Variants in GRIA3 observed in about 807,000 individuals in gnomAD.
The protein encoded by GRIA3 is glutamate ionotropic receptor AMPA type subunit 3.
GRIA3 carries 3 observed loss-of-function variants against 63.0 expected under a neutral mutation model. That is an observed-to-expected ratio of 0.05 (90% CI 0.02 to 0.12). The LOEUF (loss-of-function observed/expected upper bound fraction) is 0.12. GRIA3 is among the 10% of genes least tolerant of loss of function. The pLI, the probability that GRIA3 is intolerant of heterozygous loss-of-function variation, is 1.00. For missense variants in GRIA3, 347 were observed against 700.9 expected (o/e 0.50, Z 5.70); for synonymous variants, 274 against 257.9 (o/e 1.06, Z -0.60).
chrX:123,185,437 T>C (rs1273568662), intron 1 of GRIA3, among the ~76,000 whole-genome samples: 1 of 104,129 alleles, frequency 9.6e-6, no homozygotes, highest in Non-Finnish European at 2.0e-5. Context: ...GGGAACAATA[T>C]TGTTTTTCTT....
intron 5 of GRIA3, among the ~76,000 whole-genome samples, chrX:123,388,380 G>C (rs1033816973): frequency 9.0e-6 from 1 of 110,901 alleles, no homozygotes; most frequent in Non-Finnish European, 1.9e-5. Context: ...CGAGTAGATG[G>C]GATTATAGGT....
chrX:123,219,195 T>G (rs1928234299), intron 2 of GRIA3, among the ~76,000 whole-genome samples: 1 of 112,355 alleles, frequency 8.9e-6, no homozygotes, highest in African/African-American at 3.2e-5. Flanking sequence ...TTGTCAAGAA[T>G]CCACTCACAG....
At chrX:123,295,402 A>G (rs1412558657) in intron 3 of GRIA3, among the ~76,000 whole-genome samples, 2 of 111,791 alleles carry the variant, frequency 1.8e-5, no homozygotes, top group East Asian at 2.8e-4. Context: ...AGCATTCTGC[A>G]TATTTTATAA....
chrX:123,255,881 G>T (rs2147284091), intron 3 of GRIA3, among the ~76,000 whole-genome samples: 1 of 110,564 alleles, frequency 9.0e-6, no homozygotes, highest in East Asian at 2.8e-4. Context: ...ACTGTACTAG[G>T]ATCCTGTTCC....
rs184497218 is a variant in GRIA3, at chrX:123,197,318, A to T, written c.268+11328A>T. Among the ~76,000 whole-genome samples the T allele has an allele frequency of 2.5e-3, 282 of 112,015 alleles. 2 individuals carry two copies. Among genetic ancestry groups the T allele is most frequent in the Non-Finnish European group, 8.3e-4 (44 of 53,199 alleles). On this transcript the variant is annotated intron_variant, in intron 2 of 15. Coordinates refer to ENST00000620443, the MANE Select transcript of GRIA3 (RefSeq NM_007325.5). ...AGGCCGGAGATCACCTGAGGTCAGGAGTTCGAGATCAGCCTGGCCAACATG... is the reference window on the plus strand; with the variant it reads ...AGGCCGGAGATCACCTGAGGTCAGGTGTTCGAGATCAGCCTGGCCAACATG...
At chrX:123,263,585 G>A (rs1447280756) in intron 3 of GRIA3, among the ~76,000 whole-genome samples, 4 of 111,931 alleles carry the variant, frequency 3.6e-5, no homozygotes, top group Non-Finnish European at 7.5e-5. Context: ...GGCAGTGCTT[G>A]GCTAGGCGCT....
At chrX:123,332,094 A>C (rs1251695636) in intron 4 of GRIA3, among the ~76,000 whole-genome samples, 2 of 111,607 alleles carry the variant, frequency 1.8e-5, no homozygotes, top group Non-Finnish European at 3.8e-5. Context: ...AGGTCATATC[A>C]TGAGAGCAAA....
At chrX:123,360,308 G>T (rs973714184) in intron 5 of GRIA3, among the ~76,000 whole-genome samples, 1 of 110,184 alleles carries the variant, frequency 9.1e-6, no homozygotes, top group Non-Finnish European at 1.9e-5. Context: ...CATTTGCAAA[G>T]ACACAAATGT....
At chrX:123,242,510 T>C (rs1569405732) in intron 2 of GRIA3, among the ~76,000 whole-genome samples, 2 of 111,746 alleles carry the variant, frequency 1.8e-5, no homozygotes, top group Non-Finnish European at 3.8e-5. Flanking sequence ...CCATGTAAAA[T>C]GAGTTGCAAG....
At chrX:123,296,001 G>T (rs1253495379) in intron 3 of GRIA3, among the ~76,000 whole-genome samples, 2 of 111,476 alleles carry the variant, frequency 1.8e-5, no homozygotes, top group Non-Finnish European at 3.8e-5. Flanking sequence ...AAGGGAGAAT[G>T]ACCTTTGTTT....
At chrX:123,357,988 C>A (rs926699195) in intron 5 of GRIA3, among the ~76,000 whole-genome samples, 2 of 110,317 alleles carry the variant, frequency 1.8e-5, no homozygotes, top group African/African-American at 6.6e-5. Flanking sequence ...TAATAATGAG[C>A]CAAATTATCC....
chrX:123,213,177 A>C (rs1409116288), intron 2 of GRIA3, among the ~76,000 whole-genome samples: 1 of 112,311 alleles, frequency 8.9e-6, no homozygotes, highest in Non-Finnish European at 1.9e-5. Flanking sequence ...TGGACAGTCC[A>C]TGGAAAAATT....
chrX:123,405,837 T>C (rs902976537), intron 10 of GRIA3, among the ~76,000 whole-genome samples: 2 of 112,294 alleles, frequency 1.8e-5, no homozygotes, highest in Non-Finnish European at 3.8e-5. Flanking sequence ...TGTATTGTAA[T>C]GATCCATTTA....
chrX:123,462,091 TTTTC>T (rs1486194283), intron 12 of GRIA3, among the ~76,000 whole-genome samples: 1 of 111,494 alleles, frequency 9.0e-6, no homozygotes, highest in Non-Finnish European at 1.9e-5. Flanking sequence ...GAATCCAGCC[TTTTC>T]TTTCTACCTC....
intron 9 of GRIA3, 75 bp from the exon 10 acceptor site, chrX:123,404,633 G>A (rs2045462403): frequency 2.6e-6 from 2 of 768,325 alleles, no homozygotes; most frequent in Admixed American, 2.3e-5. Flanking sequence ...TCACAGAGGG[G>A]AAAAATTATT....
intron 12 of GRIA3, among the ~76,000 whole-genome samples, chrX:123,436,072 T>C (rs1349735404): frequency 9.0e-6 from 1 of 111,211 alleles, no homozygotes; most frequent in Admixed American, 9.6e-5. Flanking sequence ...ATAGCTAATG[T>C]ATGCAGGGTA....
chrX:123,311,422 G>T (rs1209779071), intron 3 of GRIA3, among the ~76,000 whole-genome samples: 1 of 111,961 alleles, frequency 8.9e-6, no homozygotes, highest in African/African-American at 3.2e-5. Context: ...TAATTAGAGC[G>T]TAAAGAATGT....
chrX:123,452,029 G>A (rs2045735126), intron 12 of GRIA3, among the ~76,000 whole-genome samples: 1 of 111,944 alleles, frequency 8.9e-6, no homozygotes, highest in Admixed American at 9.5e-5. Context: ...TAGCAATCAT[G>A]TATATAATGC....
At chrX:123,305,625 AT>A (rs2044750415) in intron 3 of GRIA3, among the ~76,000 whole-genome samples, 1 of 111,945 alleles carries the variant, frequency 8.9e-6, no homozygotes, top group Non-Finnish European at 1.9e-5. Flanking sequence ...CTACATAGGC[AT>A]TTTGTATATG....
Sources: allele counts gnomAD v4.1 joint callset (sites outside exome capture counted in the v4.1 genomes callset), GRCh38; gene constraint gnomAD v4.1.1; transcripts MANE v1.5; gene names NCBI Gene and HGNC (gene_info 2026-07-23, HGNC 2026-07-21).